The following CFAP54 variants were observed in gnomAD, a reference collection of about 807,000 sequenced individuals.
CFAP54 encodes the protein cilia and flagella associated protein 54.
In CFAP54, 290 loss-of-function variants were observed where a neutral mutation model predicts 370.4. That is an observed-to-expected ratio of 0.78 (90% CI 0.71 to 0.86). The LOEUF (loss-of-function observed/expected upper bound fraction) is 0.86. Ranked by LOEUF, CFAP54 falls within the 40% of genes least tolerant of loss-of-function variation. The probability of loss-of-function intolerance (pLI) is 0.00; values close to 1 mark genes in which losing one functional copy is unlikely to be tolerated. For missense variants in CFAP54, 3,399 were observed against 3,528.7 expected (o/e 0.96, Z 0.93); for synonymous variants, 1,206 against 1,236.5 (o/e 0.98, Z 0.52).
At chr12:96,684,941 C>T in intron 41 of CFAP54, 88 bp from the exon 42 acceptor site, 4 of 1,272,082 alleles carry the variant, frequency 3.1e-6, no homozygotes, top group Non-Finnish European at 4.5e-6. Context: ...ATTGACGTTG[C>T]TTCGGTGTAT....
intron 9 of CFAP54, among the ~76,000 whole-genome samples, chr12:96,529,067 T>C (rs201469569): frequency 1.3e-5 from 2 of 152,286 alleles, no homozygotes; most frequent in East Asian, 3.9e-4. Flanking sequence ...ATTTTCTAAT[T>C]ATCTTTTGGT....
intron 32 of CFAP54, among the ~76,000 whole-genome samples, chr12:96,640,097 G>C (rs1184106249): frequency 1.3e-5 from 2 of 151,940 alleles, no homozygotes; most frequent in Non-Finnish European, 1.5e-5. Flanking sequence ...GGCAAGAGAA[G>C]GAAATAAAGG....
chr12:96,779,194 T>A lies in CFAP54; in HGVS notation c.8282-5523T>A, dbSNP rs868152251. On this transcript the variant is annotated intron_variant, in intron 60 of 67. Transcript: ENST00000524981. ...AAACACCCATGTAACCACCACTAGG[T>A]CAAGAAATAGAATAAGACCAGCGCC... is the stretch of plus-strand genomic sequence containing the variant. 1.1e-4 allele frequency among the ~76,000 whole-genome samples: 17 copies of A among 151,506 alleles called. No individual in the cohort carries two copies. In the Middle Eastern group the frequency reaches 0.014, roughly 123 times the overall value.
chr12:96,555,692 A>G (rs572447715), intron 17 of CFAP54, among the ~76,000 whole-genome samples: 8 of 151,658 alleles, frequency 5.3e-5, no homozygotes, highest in Non-Finnish European at 1.2e-4. Flanking sequence ...CAATCTAACC[A>G]AAGAGCTACA....
At chr12:96,516,145 G>T (rs1251683944) in intron 5 of CFAP54, among the ~76,000 whole-genome samples, 1 of 151,842 alleles carries the variant, frequency 6.6e-6, no homozygotes, top group African/African-American at 2.4e-5. Flanking sequence ...TTGATCTCCT[G>T]ACCTCGTGAT....
chr12:96,509,402 G>C (rs1264674366), intron 4 of CFAP54, among the ~76,000 whole-genome samples: 1 of 152,092 alleles, frequency 6.6e-6, no homozygotes, highest in Non-Finnish European at 1.5e-5. Context: ...AATGTGCCTT[G>C]ATAACTTATC....
intron 9 of CFAP54, among the ~76,000 whole-genome samples, chr12:96,528,062 C>T (rs1010704651): frequency 3.9e-5 from 6 of 152,066 alleles, no homozygotes; most frequent in Admixed American, 6.5e-5. Context: ...GCTAGGATCT[C>T]CAATAACACA....
chr12:96,603,635 T>C (rs1956267902), intron 26 of CFAP54, among the ~76,000 whole-genome samples: 1 of 152,206 alleles, frequency 6.6e-6, no homozygotes, highest in Non-Finnish European at 1.5e-5. Context: ...CCCATATTTC[T>C]TGTAGGCTTT....
At chr12:96,738,422 G>A (rs1958005913) in intron 50 of CFAP54, among the ~76,000 whole-genome samples, 1 of 152,084 alleles carries the variant, frequency 6.6e-6, no homozygotes, top group Non-Finnish European at 1.5e-5. Flanking sequence ...TCGAGGTGTC[G>A]ATGGGGCCAC....
At chr12:96,581,973 C>A (rs1361617720) in intron 22 of CFAP54, among the ~76,000 whole-genome samples, 1 of 152,082 alleles carries the variant, frequency 6.6e-6, no homozygotes, top group Admixed American at 6.6e-5. Context: ...TAAATCTTTA[C>A]CTACATCCAT....
chr12:96,731,746 C>A (rs527272143), intron 50 of CFAP54, among the ~76,000 whole-genome samples: 1 of 152,052 alleles, frequency 6.6e-6, no homozygotes, highest in East Asian at 1.9e-4. Context: ...CTCAGGGAGA[C>A]AATATTTCCT....
intron 48 of CFAP54, among the ~76,000 whole-genome samples, chr12:96,715,908 C>G (rs1268675800): frequency 6.6e-6 from 1 of 152,054 alleles, no homozygotes; most frequent in African/African-American, 2.4e-5. Flanking sequence ...GGCCCATATT[C>G]TCTACTATCA....
At chr12:96,853,380 C>G (rs893195748) in intron 66 of CFAP54, among the ~76,000 whole-genome samples, 2 of 152,038 alleles carry the variant, frequency 1.3e-5, no homozygotes, top group African/African-American at 4.8e-5. Flanking sequence ...TGGTCAGTGA[C>G]TAGGAGGGAG....
intron 9 of CFAP54, among the ~76,000 whole-genome samples, chr12:96,528,108 AT>A (rs940854505): frequency 1.3e-5 from 2 of 151,878 alleles, no homozygotes; most frequent in African/African-American, 2.4e-5. Flanking sequence ...CCTTTGTCTC[AT>A]TTTTTTCCTC....
At chr12:96,671,485 C>T (rs1368953766) in intron 39 of CFAP54, among the ~76,000 whole-genome samples, 5 of 152,152 alleles carry the variant, frequency 3.3e-5, no homozygotes, top group African/African-American at 1.2e-4. Context: ...ACAGATATAA[C>T]CCAGTTGTCT....
chr12:96,601,627 T>C (rs1093236), intron 26 of CFAP54, among the ~76,000 whole-genome samples: 105,247 of 152,038 alleles, frequency 0.69, 36,574 homozygotes, highest in African/African-American at 0.71. Flanking sequence ...ATTACCTCAA[T>C]TTCAGAACCT....
At chr12:96,579,888 AAAATT>A (rs2136424603) in intron 20 of CFAP54, among the ~76,000 whole-genome samples, 1 of 151,890 alleles carries the variant, frequency 6.6e-6, no homozygotes, top group East Asian at 1.9e-4. Context: ...TTTAAAATAT[AAAATT>A]AAACTAAATA....
At chr12:96,851,440 G>C (rs1280108348) in intron 66 of CFAP54, among the ~76,000 whole-genome samples, 3 of 151,902 alleles carry the variant, frequency 2.0e-5, no homozygotes, top group Non-Finnish European at 4.4e-5. Flanking sequence ...AGATTATTTT[G>C]AAAGTTTTAG....
At chr12:96,802,926 G>A (rs1475525641) in intron 63 of CFAP54, among the ~76,000 whole-genome samples, 1 of 152,096 alleles carries the variant, frequency 6.6e-6, no homozygotes, top group Non-Finnish European at 1.5e-5. Flanking sequence ...AGAACATGTG[G>A]TGTTTGGTTT....
Sources: gnomAD v4.1 joint callset for allele counts (sites outside exome capture counted in the v4.1 genomes callset) on GRCh38, gnomAD v4.1.1 for gene constraint, MANE v1.5 for transcripts, NCBI Gene and HGNC (gene_info 2026-07-23, HGNC 2026-07-21) for gene names.